The following ZNF765 variants were observed in gnomAD, a reference collection of about 807,000 sequenced individuals.
ZNF765 encodes the protein zinc finger protein 765.
A neutral mutation model predicts 44.7 loss-of-function variants in ZNF765; 37 were observed. The observed-to-expected ratio is 0.83, with a 90% CI of 0.64 to 1.09. The LOEUF is 1.09. Ranked by LOEUF, ZNF765 falls within the 50% of genes least tolerant of loss-of-function variation. ZNF765 has a pLI of 0.00. For missense variants in ZNF765, 594 were observed against 626.1 expected (o/e 0.95, Z 0.55); for synonymous variants, 201 against 213.7 (o/e 0.94, Z 0.52).
At chr19:53,400,185 T>TTTC (rs1339331711) in intron 2 of ZNF765, among the ~76,000 whole-genome samples, 5 of 152,298 alleles carry the variant, frequency 3.3e-5, no homozygotes, top group Middle Eastern at 3.4e-3. Flanking sequence ...TGTCTGTTGT[T>TTTC]TTCTTTGTGC....
intron 1 of ZNF765, among the ~76,000 whole-genome samples, chr19:53,397,508 G>A (rs868365567): frequency 5.9e-5 from 9 of 152,198 alleles, no homozygotes; most frequent in Middle Eastern, 3.4e-3. Flanking sequence ...TAAGTAACTG[G>A]GACCACAGAC....
chr19:53,412,300 A>G (rs1163473242), downstream of ZNF765, among the ~76,000 whole-genome samples: 1 of 152,110 alleles, frequency 6.6e-6, no homozygotes, highest in Non-Finnish European at 1.5e-5. Context: ...TTCATCTTTC[A>G]TTCTGTTCAA....
Position 53,410,476 on chromosome 19 carries a change from TC to T in ZNF765, c.*1351del, listed in dbSNP as rs2085823479. 5.3e-6 allele frequency: 2 copies of T among 377,092 alleles called. No homozygotes were observed. Among genetic ancestry groups the T allele is most frequent in the Admixed American group, 6.8e-5 (2 of 29,566 alleles). 23.4% of individuals were successfully genotyped at this position (377,092 alleles called of 1,614,324 possible). A position where few individuals can be genotyped will look rare whatever the true frequency, so the allele number is the denominator to read the frequency against. ...GGCATAATTCGCACCTGGCACAACA[TC>T]CTAGAATTCACATTGGAGAGAAAGC... On this transcript the variant is annotated 3_prime_UTR_variant, in exon 4 of 4. Coordinates refer to ENST00000396408, the MANE Select transcript of ZNF765 (RefSeq NM_001040185.3).
chr19:53,409,091 T>C lies in ZNF765; in HGVS notation c.1536T>C (p.His512=), dbSNP rs1555832889. 6.2e-6 allele frequency: 10 copies of C among 1,613,684 alleles called. No individual in the cohort carries two copies. In the East Asian group the frequency reaches 6.7e-5, roughly 11 times the overall value. Residue 512 remains histidine (H), a synonymous_variant, in exon 4 of 4, where the codon CAT becomes CAC. Coordinates refer to ENST00000396408, the MANE Select transcript of ZNF765 (RefSeq NM_001040185.3). ...AFSFKSNLER[H]RRIYTGEKLH... is the part of the protein sequence containing the mutation. ...GTTTCAAATCAAACCTTGAAAGACA[T>C]AGGAGAATTTATACTGGAGAGAAAC...
At chr19:53,419,378 TCTC>T (rs2085894015) in intron 3 of ZNF765, among the ~76,000 whole-genome samples, 2 of 152,318 alleles carry the variant, frequency 1.3e-5, no homozygotes, top group East Asian at 1.9e-4. Context: ...TATCTCAAAG[TCTC>T]CTCTTTGAAG....
rs755818747 is a variant in ZNF765 at position 53,396,009 on chromosome 19, AAAG to A, written c.-74+817_-74+819del. Among the ~76,000 whole-genome samples, 24 of 151,672 alleles carry A rather than the reference AAAG, an allele frequency of 1.6e-4. 1 individual carries two copies. In the South Asian group the frequency reaches 4.4e-3, roughly 28 times the overall value. On this transcript the variant is annotated intron_variant, in intron 1 of 3. Transcript: ENST00000396408. ...CAGCAAATGTGGGGGAAAAAAAAAA[AAAG>A]GAGGAGAAAAGCAACTGGAGAAATG...
chr19:53,422,947 T>C (rs1272072030), intron 3 of ZNF765: 2 of 728,646 alleles, frequency 2.7e-6, no homozygotes, highest in Non-Finnish European at 5.0e-6. Flanking sequence ...AGACACCTAA[T>C]TGTAGCCAAC....
In ZNF765 at chr19:53,409,724, T is replaced by C; in HGVS notation, c.*597T>C. On this transcript the variant is annotated 3_prime_UTR_variant, in exon 4 of 4. Coordinates refer to ENST00000396408, the MANE Select transcript of ZNF765 (RefSeq NM_001040185.3). ...CAAATGTAATGAGTGTGGCAAGACC[T>C]TTAGTCAGAACTCATACCTTACATG... The C allele has an allele frequency of 1.0e-6, 1 of 988,326 alleles. No homozygotes were observed. Among genetic ancestry groups the C allele is most frequent in the South Asian group, 1.3e-5 (1 of 78,700 alleles). The allele number at this position is 988,326 out of a possible 1,614,324, so 61.2% of individuals were successfully genotyped here. A position where few individuals can be genotyped will look rare whatever the true frequency, so the allele number is the denominator to read the frequency against.
chr19:53,407,905 A>G lies in ZNF765; in HGVS notation c.350A>G (p.Lys117Arg), dbSNP rs781116985. Residue 117 changes from lysine to arginine, a missense_variant, in exon 4 of 4, where the codon AAA (lysine) becomes AGA (arginine). Transcript: ENST00000396408. Reference sequence around the variant, plus strand: ...CATGAAGCACTCATGACAAAAATCAAAAAGTTGACAGGTAGTACAGAGCGA... The same window carrying G: ...CATGAAGCACTCATGACAAAAATCAGAAAGTTGACAGGTAGTACAGAGCGA... Reference protein sequence around the residue: ...NGHEALMTKIKKLTGSTERYD... With the variant: ...NGHEALMTKIRKLTGSTERYD... 6.2e-7 allele frequency: 1 copy of G among 1,613,868 alleles called. No homozygotes were observed. The highest frequency in any genetic ancestry group is 1.7e-5 in the Admixed American group (1 of 59,988).
chr19:53,398,081 C>T, intron 2 of ZNF765, 51 bp downstream of exon 2: 4 of 1,613,616 alleles, frequency 2.5e-6, no homozygotes, highest in Non-Finnish European at 1.7e-6. Flanking sequence ...TTCAGAAATG[C>T]TGACCTTGGA....
chr19:53,405,384 ATGGGT>A (rs2085764292), intron 3 of ZNF765, among the ~76,000 whole-genome samples: 1 of 152,122 alleles, frequency 6.6e-6, no homozygotes, highest in African/African-American at 2.4e-5. Context: ...ACACTCCAGC[ATGGGT>A]GATAGTATGT....
In ZNF765 at chr19:53,400,259, T is replaced by A. The variant is rs188561585; in HGVS notation, c.16-1806T>A. 5.3e-5 allele frequency among the ~76,000 whole-genome samples: 8 copies of A among 152,334 alleles called. No individual in the cohort carries two copies. The East Asian group carries it at 1.5e-3, about 29-fold the overall frequency. ...TTGTGAAAATTTACATGTTCTCATG[T>A]TAGTAAACGTGGATAGCTTGCTCTT... On this transcript the variant is annotated intron_variant, in intron 2 of 3. Coordinates refer to ENST00000396408, the MANE Select transcript of ZNF765 (RefSeq NM_001040185.3).
intron 3 of ZNF765, among the ~76,000 whole-genome samples, chr19:53,406,497 A>G (rs1600056113): frequency 6.6e-6 from 1 of 152,252 alleles, no homozygotes; most frequent in South Asian, 2.1e-4. Context: ...TGTTGTATAA[A>G]TGTACTTATT....
intron 3 of ZNF765, among the ~76,000 whole-genome samples, chr19:53,404,203 G>A (rs538931583): frequency 3.0e-4 from 45 of 151,572 alleles, no homozygotes; most frequent in Admixed American, 6.6e-4. Context: ...TCAGTGTCCT[G>A]AGTAGCTGGG....
At chr19:53,415,690 C>A (rs1346509409), downstream of ZNF765, among the ~76,000 whole-genome samples, 1 of 152,064 alleles carries the variant, frequency 6.6e-6, no homozygotes, top group East Asian at 1.9e-4. Context: ...CTAGTCTCAC[C>A]AGGCCAAAAT....
downstream of ZNF765, among the ~76,000 whole-genome samples, chr19:53,414,466 CACACACACACACACACACA>C (rs2085859472): frequency 4.0e-5 from 1 of 25,300 alleles, no homozygotes; most frequent in African/African-American, 1.3e-4. Flanking sequence ...CACACACACA[CACACACACACACACACACA>C]CACACCCCCC....
chr19:53,414,481 ACACACACACCC>A (rs2085861092), downstream of ZNF765, among the ~76,000 whole-genome samples: 6 of 1,732 alleles, frequency 3.5e-3, no homozygotes, highest in East Asian at 0.042. Context: ...ACACACACAC[ACACACACACCC>A]CCCCCCCCCC....
rs1409360757 is a variant in ZNF765 at position 53,409,220 on chromosome 19, A to G, written c.*93A>G. On this transcript the variant is annotated 3_prime_UTR_variant, in exon 4 of 4. Coordinates refer to ENST00000396408, the MANE Select transcript of ZNF765 (RefSeq NM_001040185.3). ...AAACCTTACAAATATGAAGAACTTG[A>G]CAAAGCTTACAATTTCAAATCAAAC... 1 of 1,246,892 alleles carries G rather than the reference A, an allele frequency of 8.0e-7. No individual in the cohort carries two copies. The highest frequency in any genetic ancestry group is 1.2e-6 in the Non-Finnish European group (1 of 851,044). 77.2% of individuals were successfully genotyped at this position (1,246,892 alleles called of 1,614,324 possible). A position where few individuals can be genotyped will look rare whatever the true frequency, so the allele number is the denominator to read the frequency against.
chr19:53,410,118 C>A lies in ZNF765; in HGVS notation c.*991C>A. 1 of 446,948 alleles carries A rather than the reference C, an allele frequency of 2.2e-6. No individual in the cohort carries two copies. The allele number at this position is 446,948 out of a possible 1,614,324, so 27.7% of individuals were successfully genotyped here. A position where few individuals can be genotyped will look rare whatever the true frequency, so the allele number is the denominator to read the frequency against. On this transcript the variant is annotated 3_prime_UTR_variant, in exon 4 of 4. Transcript: ENST00000396408. ...AATGTGAAGAATGTGATGAAGCTTTCAGATTCAAATCAAACCTTGATAGTC... is the reference window on the plus strand; with the variant it reads ...AATGTGAAGAATGTGATGAAGCTTTAAGATTCAAATCAAACCTTGATAGTC...
Sources: allele counts gnomAD v4.1 joint callset (sites outside exome capture counted in the v4.1 genomes callset), GRCh38; gene constraint gnomAD v4.1.1; transcripts MANE v1.5; gene names NCBI Gene and HGNC (gene_info 2026-07-23, HGNC 2026-07-21).